CDH12: variants seen among roughly 807,000 people sequenced by gnomAD.
The protein encoded by CDH12 is cadherin 12.
Under a neutral mutation model 74.1 loss-of-function variants are expected in CDH12, and 41 were observed. That is an observed-to-expected ratio of 0.55 (90% CI 0.43 to 0.72). The LOEUF (loss-of-function observed/expected upper bound fraction) is 0.72, where lower values mean the gene tolerates loss of function less well. Ranked by LOEUF, CDH12 falls within the 30% of genes least tolerant of loss-of-function variation. The pLI is 0.00. For synonymous variants in CDH12, 399 were observed against 355.0 expected, an observed-to-expected ratio of 1.12 and a Z score of -1.39; for missense variants, 945 against 977.2, an observed-to-expected ratio of 0.97 and a Z score of 0.44.
At chr5:22,545,843 T>G (rs1160913739) in intron 1 of CDH12, among the ~76,000 whole-genome samples, 2 of 152,204 alleles carry the variant, frequency 1.3e-5, no homozygotes, top group Non-Finnish European at 2.9e-5. Flanking sequence ...AAAAAATGTC[T>G]ATTGGTGAAA....
intron 1 of CDH12, among the ~76,000 whole-genome samples, chr5:22,586,021 C>T (rs1740379377): frequency 6.6e-6 from 1 of 152,136 alleles, no homozygotes; most frequent in South Asian, 2.1e-4. Flanking sequence ...TATCATGCTG[C>T]TATAAAGACA....
At chr5:21,888,565 A>T (rs938608547) in intron 6 of CDH12, among the ~76,000 whole-genome samples, 4 of 149,740 alleles carry the variant, frequency 2.7e-5, no homozygotes, top group Non-Finnish European at 4.4e-5. Flanking sequence ...TGTTGTGTAC[A>T]TGTACCCTAG....
At chr5:22,767,073 T>C (rs1746553114) in intron 1 of CDH12, among the ~76,000 whole-genome samples, 1 of 152,036 alleles carries the variant, frequency 6.6e-6, no homozygotes, top group African/African-American at 2.4e-5. Flanking sequence ...ATTGCATGTA[T>C]TTGACTATGA....
At chr5:22,500,015 T>C (rs927234647) in intron 2 of CDH12, among the ~76,000 whole-genome samples, 1 of 152,152 alleles carries the variant, frequency 6.6e-6, no homozygotes, top group African/African-American at 2.4e-5. Context: ...ATGATCGTCC[T>C]TGAATAACTG....
chr5:22,087,682 C>T (rs1439808882), intron 4 of CDH12, among the ~76,000 whole-genome samples: 3 of 151,980 alleles, frequency 2.0e-5, no homozygotes, highest in Admixed American at 2.0e-4. Context: ...AATTTGAGTC[C>T]TATTTAGACA....
At chr5:22,294,390 C>G (rs1038989631) in intron 3 of CDH12, among the ~76,000 whole-genome samples, 6 of 151,986 alleles carry the variant, frequency 3.9e-5, no homozygotes, top group Non-Finnish European at 5.9e-5. Context: ...GCCACTATTC[C>G]CAAACTGTTA....
chr5:21,982,074 C>G (rs1422609822), intron 5 of CDH12, among the ~76,000 whole-genome samples: 1 of 152,064 alleles, frequency 6.6e-6, no homozygotes. Flanking sequence ...CCTGGGTGTG[C>G]CTCTGTGGGT....
intron 2 of CDH12, among the ~76,000 whole-genome samples, chr5:22,482,482 C>T (rs17333837): frequency 0.39 from 59,062 of 151,932 alleles, 11,820 homozygotes; most frequent in Non-Finnish European, 0.44. Flanking sequence ...CAGAGAAAAA[C>T]ATTCTTGCTA....
chr5:22,583,516 A>C (rs770948643), intron 1 of CDH12, among the ~76,000 whole-genome samples: 1 of 152,220 alleles, frequency 6.6e-6, no homozygotes, highest in Admixed American at 6.5e-5. Context: ...AGATAATGAA[A>C]TAACATAATC....
intron 6 of CDH12, among the ~76,000 whole-genome samples, chr5:21,898,414 T>C (rs1753223131): frequency 6.6e-6 from 1 of 151,930 alleles, no homozygotes; most frequent in Non-Finnish European, 1.5e-5. Context: ...AAAATCTATT[T>C]GAGAAAGGCC....
intron 1 of CDH12, among the ~76,000 whole-genome samples, chr5:22,786,419 G>C (rs1747627935): frequency 6.6e-6 from 1 of 152,184 alleles, no homozygotes; most frequent in Non-Finnish European, 1.5e-5. Context: ...TTGGATAGCA[G>C]CCTAGAACTT....
chr5:22,459,224 T>C (rs1745406870), intron 2 of CDH12, among the ~76,000 whole-genome samples: 1 of 152,108 alleles, frequency 6.6e-6, no homozygotes, highest in African/African-American at 2.4e-5. Context: ...ATTTGTTTGC[T>C]TTTCTGAATT....
At chr5:22,387,296 AT>A (rs1159671086) in intron 3 of CDH12, among the ~76,000 whole-genome samples, 15 of 152,226 alleles carry the variant, frequency 9.9e-5, no homozygotes, top group South Asian at 2.1e-4. Flanking sequence ...ATTTAAAAAA[AT>A]GTAATGTACA....
chr5:22,459,418 A>G (rs557609800), intron 2 of CDH12, among the ~76,000 whole-genome samples: 4 of 152,162 alleles, frequency 2.6e-5, no homozygotes, highest in Non-Finnish European at 5.9e-5. Flanking sequence ...ATTTTAATCA[A>G]ATAATAAACA....
At chr5:22,609,266 T>C (rs1737276871) in intron 1 of CDH12, among the ~76,000 whole-genome samples, 1 of 152,216 alleles carries the variant, frequency 6.6e-6, no homozygotes, top group Non-Finnish European at 1.5e-5. Context: ...ACATAATGTA[T>C]TTTAATGTGT....
intron 1 of CDH12, among the ~76,000 whole-genome samples, chr5:22,538,782 A>G (rs1353945116): frequency 6.6e-6 from 1 of 152,230 alleles, no homozygotes; most frequent in Non-Finnish European, 1.5e-5. Flanking sequence ...TTCAGAAACC[A>G]AAATGTTTGA....
rs115559664 is a variant in CDH12 at position 21,905,273 on chromosome 5, A to T, written c.527-50483T>A. Among the ~76,000 whole-genome samples, 856 of 152,360 alleles carry T rather than the reference A, an allele frequency of 5.6e-3. 8 individuals are homozygous for T. Among genetic ancestry groups the T allele is most frequent in the African/African-American group, 0.019 (810 of 41,586 alleles). Reference sequence around the variant, plus strand: ...AAAACTCAAACTATAAAACACAGAAATGACAAAACAAGATAAAAACTAACT... The same window carrying T: ...AAAACTCAAACTATAAAACACAGAATTGACAAAACAAGATAAAAACTAACT... On this transcript the variant is annotated intron_variant, in intron 6 of 14. Transcript: ENST00000382254.
Position 21,854,699 on chromosome 5 carries a change from T to C in CDH12, c.618A>G (p.Gln206=). 3 of 1,609,132 alleles carry C rather than the reference T, an allele frequency of 1.9e-6. No homozygotes were observed. The highest frequency in any genetic ancestry group is 2.7e-5 in the African/African-American group (2 of 74,698). ...TCTTGGGATCAATAGAGAAATAAGG[T>C]TGTCCCTGAAGAATGCTGTAAACGA... The part of the protein sequence containing the change: ...ARVVYSILQG[Q]PYFSIDPKTG... The change falls in exon 7 of 15, where the codon CAA becomes CAG. Residue 206 remains glutamine (Q), a synonymous_variant. Coordinates refer to ENST00000382254, the MANE Select transcript of CDH12 (RefSeq NM_004061.5).
At chr5:22,078,928 C>A in intron 4 of CDH12, 66 bp from the exon 5 acceptor site, 1 of 756,430 alleles carries the variant, frequency 1.3e-6, no homozygotes, top group Non-Finnish European at 1.8e-6. Context: ...CATCACAACG[C>A]TCATTATATC....
Sources: gnomAD v4.1 joint callset for allele counts (sites outside exome capture counted in the v4.1 genomes callset) on GRCh38, gnomAD v4.1.1 for gene constraint, MANE v1.5 for transcripts, NCBI Gene and HGNC (gene_info 2026-07-23, HGNC 2026-07-21) for gene names.